The following SHLD1 variants were observed in gnomAD, a reference collection of about 807,000 sequenced individuals.
SHLD1 encodes the protein shieldin complex subunit 1.
A neutral mutation model predicts 5.5 loss-of-function variants in SHLD1; 3 were observed. That is an observed-to-expected ratio of 0.54 (90% CI 0.25 to 1.40). The LOEUF is 1.40. Ranked by LOEUF, SHLD1 falls within the 40% of genes most tolerant of loss-of-function variation. The probability of loss-of-function intolerance (pLI) is 0.15; values close to 1 mark genes in which losing one functional copy is unlikely to be tolerated. For missense variants in SHLD1, 210 were observed against 244.4 expected (o/e 0.86, Z 0.94); for synonymous variants, 92 against 94.3 (o/e 0.98, Z 0.14).
intron 1 of SHLD1, among the ~76,000 whole-genome samples, chr20:5,765,831 C>G (rs1343936531): frequency 8.9e-6 from 1 of 112,370 alleles, no homozygotes; most frequent in East Asian, 3.1e-4. Flanking sequence ...GTTGGCCAGG[C>G]TGGTCTCAAA....
intron 2 of SHLD1, among the ~76,000 whole-genome samples, chr20:5,804,337 A>G (rs1055134719): frequency 1.6e-5 from 2 of 122,504 alleles, no homozygotes; most frequent in East Asian, 2.1e-4. Context: ...ACATTTGTAT[A>G]TCGCAAAAAA....
chr20:5,765,756 ATACGCACAAATCC>A (rs1984792757), intron 1 of SHLD1, among the ~76,000 whole-genome samples: 1 of 135,514 alleles, frequency 7.4e-6, no homozygotes, highest in South Asian at 2.5e-4. Flanking sequence ...AATGTATTTT[ATACGCACAAATCC>A]TTTTTTTTTT....
chr20:5,834,301 C>A (rs2087764426), intron 2 of SHLD1, among the ~76,000 whole-genome samples: 1 of 152,126 alleles, frequency 6.6e-6, no homozygotes. Context: ...TCAAATATAA[C>A]TTTTCCAAGT....
Position 5,831,637 on chromosome 20 carries a change from C to T in SHLD1, c.179-31387C>T, listed in dbSNP as rs191793564. On this transcript the variant is annotated intron_variant, in intron 2 of 2. Coordinates refer to ENST00000303142, the MANE Select transcript of SHLD1 (RefSeq NM_152504.4). ...AACAGGAAGATGAACAGAAGCCCTA[C>T]CTGAGGCAGCAGCAAAGATTCGCTT... 1.7e-3 allele frequency among the ~76,000 whole-genome samples: 260 copies of T among 152,200 alleles called. 4 individuals are homozygous for T. Among genetic ancestry groups the T allele is most frequent in the Admixed American group, 5.6e-3 (85 of 15,302 alleles).
chr20:5,784,513 C>T (rs576428389), intron 2 of SHLD1, among the ~76,000 whole-genome samples: 8 of 151,988 alleles, frequency 5.3e-5, no homozygotes, highest in South Asian at 2.1e-4. Context: ...TGCAGTGGCG[C>T]GATCTCGGCT....
chr20:5,801,827 G>A lies in SHLD1; in HGVS notation c.178+28784G>A, dbSNP rs1007418257. ...CCCATAGATGGGAAAATTAGGAGGA[G>A]TGCTCTATTTTAACATTTGGAAATG... On this transcript the variant is annotated intron_variant, in intron 2 of 2. Transcript: ENST00000303142. Among the ~76,000 whole-genome samples the A allele has an allele frequency of 3.0e-4, 46 of 152,260 alleles. 1 individual carries two copies. Among genetic ancestry groups the A allele is most frequent in the African/African-American group, 9.1e-4 (38 of 41,544 alleles).
chr20:5,793,170 G>C (rs879640468), intron 2 of SHLD1, among the ~76,000 whole-genome samples: 1 of 152,122 alleles, frequency 6.6e-6, no homozygotes, highest in Non-Finnish European at 1.5e-5. Context: ...ACACTGTTTT[G>C]ATTACTGTAG....
At chr20:5,846,716 C>T (rs769231910) in intron 2 of SHLD1, among the ~76,000 whole-genome samples, 2 of 152,196 alleles carry the variant, frequency 1.3e-5, no homozygotes, top group Non-Finnish European at 2.9e-5. Context: ...GTTCCCCACA[C>T]GTGGACGGGA....
At position 5,818,777 on chromosome 20, in the gene SHLD1, T is replaced by C. The variant is rs6107702; in HGVS notation, c.179-44247T>C. Among the ~76,000 whole-genome samples, 336 of 152,138 alleles carry C rather than the reference T, an allele frequency of 2.2e-3. 2 individuals are homozygous for C. Among genetic ancestry groups the C allele is most frequent in the African/African-American group, 7.9e-3 (329 of 41,494 alleles). On this transcript the variant is annotated intron_variant, in intron 2 of 2. Coordinates refer to ENST00000303142, the MANE Select transcript of SHLD1 (RefSeq NM_152504.4). ...TACAATAAGGCGATGATGTTGGGGG[T>C]CATGATCTAACTGGAATCCACCATG...
intron 2 of SHLD1, among the ~76,000 whole-genome samples, chr20:5,849,472 A>T (rs2122488728): frequency 6.6e-6 from 1 of 152,318 alleles, no homozygotes; most frequent in African/African-American, 2.4e-5. Flanking sequence ...TATAACATGG[A>T]CTGGGATGAT....
intron 2 of SHLD1, among the ~76,000 whole-genome samples, chr20:5,826,649 G>C (rs1480627792): frequency 6.6e-6 from 1 of 152,096 alleles, no homozygotes. Context: ...GTTCAGTGCA[G>C]TAGTTGAGAA....
chr20:5,804,405 A>G (rs1170298664), intron 2 of SHLD1, among the ~76,000 whole-genome samples: 4 of 151,024 alleles, frequency 2.6e-5, no homozygotes, highest in Non-Finnish European at 5.9e-5. Flanking sequence ...AAAAAAAACT[A>G]GAAAAAAAAA....
intron 2 of SHLD1, among the ~76,000 whole-genome samples, chr20:5,856,708 G>A (rs1319337697): frequency 6.6e-6 from 1 of 152,102 alleles, no homozygotes; most frequent in Admixed American, 6.5e-5. Context: ...CTACTCCCTG[G>A]TTCACCTTGT....
At chr20:5,812,638 C>T (rs1600146567) in intron 2 of SHLD1, among the ~76,000 whole-genome samples, 1 of 152,140 alleles carries the variant, frequency 6.6e-6, no homozygotes, top group East Asian at 1.9e-4. Context: ...TTACTTTCAC[C>T]AGGTATTATG....
rs527555014 is a variant in SHLD1 at position 5,862,449 on chromosome 20, C to A, written c.179-575C>A. On this transcript the variant is annotated intron_variant, in intron 2 of 2. Transcript: ENST00000303142. ...AAGGAAAACAGTCCCATCGTGCACA[C>A]GCACGGATCTCTAGAGCTATCCTGC... is the stretch of plus-strand genomic sequence containing the variant. Among the ~76,000 whole-genome samples the A allele has an allele frequency of 3.9e-5, 6 of 152,372 alleles. No homozygotes were observed. The South Asian group carries it at 1.0e-3, about 26-fold the overall frequency.
chr20:5,843,463 T>C (rs1276049853), intron 2 of SHLD1, among the ~76,000 whole-genome samples: 1 of 152,156 alleles, frequency 6.6e-6, no homozygotes, highest in Admixed American at 6.5e-5. Flanking sequence ...TCACTTTTTC[T>C]CTGGTGGCGT....
intron 2 of SHLD1, among the ~76,000 whole-genome samples, chr20:5,798,694 T>C (rs6053712): frequency 1.3e-4 from 20 of 151,546 alleles, no homozygotes; most frequent in African/African-American, 4.9e-4. Context: ...CTCGGCTCAC[T>C]GCAAGCTCCG....
intron 2 of SHLD1, among the ~76,000 whole-genome samples, chr20:5,844,785 A>ATTTTTTTTTTTTTTTT (rs1451016272): frequency 9.8e-6 from 1 of 102,406 alleles, no homozygotes. Flanking sequence ...ATATATATAT[A>ATTTTTTTTTTTTTTTT]TATATATATA....
At chr20:5,852,907 T>A (rs1315002733) in intron 2 of SHLD1, among the ~76,000 whole-genome samples, 1 of 152,252 alleles carries the variant, frequency 6.6e-6, no homozygotes, top group African/African-American at 2.4e-5. Context: ...TACTTTTAAC[T>A]TTTGTTGCTT....
Sources: allele counts gnomAD v4.1 joint callset (sites outside exome capture counted in the v4.1 genomes callset), GRCh38; gene constraint gnomAD v4.1.1; transcripts MANE v1.5; gene names NCBI Gene and HGNC (gene_info 2026-07-23, HGNC 2026-07-21).